Variants in ANKRD17 observed in about 807,000 individuals in gnomAD.
ANKRD17 encodes ankyrin repeat domain-containing protein 17.
ANKRD17 carries 19 observed loss-of-function variants against 229.7 expected under a neutral mutation model. The ratio of observed to expected loss-of-function variants is 0.08; its 90% confidence interval spans 0.06 to 0.12. ANKRD17 has a LOEUF of 0.12. Ranked by LOEUF, ANKRD17 falls within the 10% of genes least tolerant of loss-of-function variation. The probability of loss-of-function intolerance (pLI) is 1.00; values close to 1 mark genes in which losing one functional copy is unlikely to be tolerated. For synonymous variants in ANKRD17, 1,112 were observed against 1,146.1 expected (o/e 0.97, Z 0.60); for missense variants, 2,176 against 3,176.8 (o/e 0.68, Z 7.57).
chr4:73,228,809 T>C (rs1447148559), intron 1 of ANKRD17, among the ~76,000 whole-genome samples: 1 of 152,220 alleles, frequency 6.6e-6, no homozygotes, highest in African/African-American at 2.4e-5. Flanking sequence ...TTATAAATCA[T>C]GCTGCTATAA....
intron 15 of ANKRD17, 50 bp downstream of exon 15, chr4:73,139,481 C>A: frequency 1.3e-6 from 2 of 1,535,068 alleles, no homozygotes; most frequent in South Asian, 2.6e-5. Context: ...CATTCTTACT[C>A]GCCTTAAGCA....
At chr4:73,108,261 T>C (rs1183518793) in intron 24 of ANKRD17, among the ~76,000 whole-genome samples, 1 of 152,192 alleles carries the variant, frequency 6.6e-6, no homozygotes, top group Non-Finnish European at 1.5e-5. Context: ...GGAGTTCATA[T>C]TTGGACACAT....
chr4:73,191,385 G>GTGTGTGTGTGTGTGTGTGTGTA (rs759075951), intron 1 of ANKRD17, among the ~76,000 whole-genome samples: 1 of 150,078 alleles, frequency 6.7e-6, no homozygotes, highest in African/African-American at 2.4e-5. Context: ...GTGTGTGTGT[G>GTGTGTGTGTGTGTGTGTGTGTA]TATCTCCAGA....
chr4:73,226,507 C>T (rs1200377175), intron 1 of ANKRD17, among the ~76,000 whole-genome samples: 2 of 147,414 alleles, frequency 1.4e-5, no homozygotes, highest in African/African-American at 5.0e-5. Flanking sequence ...AATTCTCCTG[C>T]CTCAGCCACC....
intron 1 of ANKRD17, among the ~76,000 whole-genome samples, chr4:73,190,087 G>T (rs926747204): frequency 1.3e-5 from 2 of 152,000 alleles, no homozygotes; most frequent in African/African-American, 4.8e-5. Flanking sequence ...AGTATTCTGG[G>T]GCTGGGCGCG....
rs911399828 is a variant in ANKRD17, at chr4:73,204,859, AT to A, written c.394-27327del. 5.8e-4 allele frequency among the ~76,000 whole-genome samples: 88 copies of A among 152,296 alleles called. 1 individual carries two copies. The highest frequency in any genetic ancestry group is 2.0e-3 in the African/African-American group (85 of 41,556). On this transcript the variant is annotated intron_variant, in intron 1 of 33. Coordinates refer to ENST00000358602, the MANE Select transcript of ANKRD17 (RefSeq NM_032217.5). ...CACTAGAACAATCACAAATAAAATAATAAAAACAGGTAATACACCAATAAAA... is the reference window on the plus strand; with the variant it reads ...CACTAGAACAATCACAAATAAAATAAAAAAACAGGTAATACACCAATAAAA...
intron 25 of ANKRD17, among the ~76,000 whole-genome samples, chr4:73,099,773 A>G (rs1287887898): frequency 6.6e-6 from 1 of 152,176 alleles, no homozygotes; most frequent in Admixed American, 6.5e-5. Context: ...CCCTTTGGCT[A>G]CAGGAAGGCA....
At chr4:73,239,460 G>C (rs750394788) in intron 1 of ANKRD17, among the ~76,000 whole-genome samples, 4 of 152,126 alleles carry the variant, frequency 2.6e-5, no homozygotes, top group Non-Finnish European at 5.9e-5. Context: ...CCATTTAAAG[G>C]ACTAAGATAA....
At chr4:73,221,148 T>C (rs1024412153) in intron 1 of ANKRD17, among the ~76,000 whole-genome samples, 6 of 152,144 alleles carry the variant, frequency 3.9e-5, no homozygotes, top group Non-Finnish European at 7.4e-5. Flanking sequence ...TCAAATGATA[T>C]TTTAAATAAA....
At chr4:73,245,034 A>C (rs1046429766) in intron 1 of ANKRD17, among the ~76,000 whole-genome samples, 1 of 152,168 alleles carries the variant, frequency 6.6e-6, no homozygotes, top group African/African-American at 2.4e-5. Context: ...AGTGCTACTA[A>C]AAAGAAGCTT....
intron 1 of ANKRD17, among the ~76,000 whole-genome samples, chr4:73,225,832 A>G (rs1308411231): frequency 1.7e-5 from 2 of 119,552 alleles, no homozygotes; most frequent in African/African-American, 6.2e-5. Context: ...ACTGCACTCC[A>G]GCTTGGGCAA....
intron 24 of ANKRD17, among the ~76,000 whole-genome samples, chr4:73,106,784 CAGG>C (rs1724688069): frequency 6.9e-6 from 1 of 145,980 alleles, no homozygotes; most frequent in South Asian, 2.3e-4. Flanking sequence ...CAGGCTGAGG[CAGG>C]AGAATCGCTT....
chr4:73,217,767 A>G lies in ANKRD17; in HGVS notation c.394-40234T>C, dbSNP rs78862206. Among the ~76,000 whole-genome samples, 285 of 152,288 alleles carry G rather than the reference A, an allele frequency of 1.9e-3. 1 individual carries two copies. Among genetic ancestry groups the G allele is most frequent in the African/African-American group, 6.6e-3 (273 of 41,558 alleles). ...AATCAAAACTTTGTTTTCATGCACG[A>G]AACTACTAAAAAAAATTGCATAAAA... On this transcript the variant is annotated intron_variant, in intron 1 of 33. Coordinates refer to ENST00000358602, the MANE Select transcript of ANKRD17 (RefSeq NM_032217.5).
chr4:73,197,492 T>C (rs1241095827), intron 1 of ANKRD17, among the ~76,000 whole-genome samples: 1 of 152,226 alleles, frequency 6.6e-6, no homozygotes, highest in South Asian at 2.1e-4. Context: ...TTAAGACATA[T>C]TAAATTCCAA....
intron 13 of ANKRD17, 44 bp downstream of exon 13, chr4:73,142,198 T>C: frequency 6.7e-7 from 1 of 1,495,796 alleles, no homozygotes; most frequent in Non-Finnish European, 8.9e-7. Context: ...AGAATTAGGA[T>C]AAAGAAGACA....
At chr4:73,177,695 C>G (rs1443141672) in intron 1 of ANKRD17, among the ~76,000 whole-genome samples, 162 bp from the exon 2 acceptor site, 1 of 152,114 alleles carries the variant, frequency 6.6e-6, no homozygotes, top group African/African-American at 2.4e-5. Context: ...GACATCTAAG[C>G]CTGTTGATTA....
intron 25 of ANKRD17, among the ~76,000 whole-genome samples, 182 bp downstream of exon 25, chr4:73,102,194 C>G (rs559912857): frequency 6.6e-6 from 1 of 152,214 alleles, no homozygotes; most frequent in East Asian, 1.9e-4. Context: ...CTCTTAGACT[C>G]AAGTGACTCG....
intron 1 of ANKRD17, among the ~76,000 whole-genome samples, chr4:73,208,275 T>C (rs1739783432): frequency 6.7e-6 from 1 of 149,030 alleles, no homozygotes; most frequent in Non-Finnish European, 1.5e-5. Context: ...TCAGAGAACA[T>C]ATTCTTTTCT....
intron 24 of ANKRD17, among the ~76,000 whole-genome samples, chr4:73,110,391 G>A (rs1304333573): frequency 1.3e-5 from 2 of 152,120 alleles, no homozygotes; most frequent in African/African-American, 4.8e-5. Context: ...TCACTACATT[G>A]GCCAGGCCGG....
Sources: allele counts gnomAD v4.1 joint callset (sites outside exome capture counted in the v4.1 genomes callset), GRCh38; gene constraint gnomAD v4.1.1; transcripts MANE v1.5; gene names NCBI Gene and HGNC (gene_info 2026-07-23, HGNC 2026-07-21).